Variants in MDC1 observed in about 807,000 individuals in gnomAD.
MDC1 encodes mediator of DNA damage checkpoint protein 1.
In MDC1, 81 loss-of-function variants were observed where a neutral mutation model predicts 142.5. The ratio of observed to expected loss-of-function variants is 0.57; its 90% CI spans 0.47 to 0.68. The LOEUF (loss-of-function observed/expected upper bound fraction) is 0.68. Ranked by LOEUF, MDC1 falls within the 30% of genes least tolerant of loss-of-function variation. The pLI, the probability that MDC1 is intolerant of heterozygous loss-of-function variation, is 0.00. For synonymous variants in MDC1, 797 were observed against 968.4 expected, an observed-to-expected ratio of 0.82 and a Z score of 3.29; for missense variants, 2,119 against 2,547.9, an observed-to-expected ratio of 0.83 and a Z score of 3.62.
chr6:30,706,398 G>A (rs920010020), intron 9 of MDC1, among the ~76,000 whole-genome samples: 2 of 152,076 alleles, frequency 1.3e-5, no homozygotes, highest in East Asian at 1.9e-4. Context: ...GAGGCGGGTG[G>A]ATCACAAGGT....
chr6:30,712,410 TCCAGGTGGATC>T lies in MDC1; in HGVS notation c.1521_1531del (p.Ile508GlufsTer67), dbSNP rs778393161. The stretch of plus-strand genomic sequence containing the variant: ...CACTGTGGTGGAGGCTTGGCTTCTC[TCCAGGTGGATC>T]CCAGGTGAGCTCTTATCTGCTTCCA... On this transcript the variant is annotated frameshift_variant, in exon 5 of 15. Transcript: ENST00000376406. LOFTEE classifies it high-confidence loss of function. This position sits in a 1 kb window ranked among gnomAD's most constrained non-coding sequence, Gnocchi z 4.7. The T allele has an allele frequency of 6.2e-7, 1 of 1,613,070 alleles. No homozygotes were observed. Among genetic ancestry groups the T allele is most frequent in the East Asian group, 2.2e-5 (1 of 44,886 alleles).
At position 30,704,078 on chromosome 6, in the gene MDC1, G is replaced by A; in HGVS notation, c.5105C>T (p.Ser1702Phe). Residue 1702 changes from serine (S) to phenylalanine (F), a missense_variant, in exon 10 of 15, where the codon TCT becomes TTT. Transcript: ENST00000376406. ...AATAGGCTGGTCTGTGGTGACAGGAGATTGGAATTCAGGGGTGGTAGGAAC... is the reference window on the plus strand; with the variant it reads ...AATAGGCTGGTCTGTGGTGACAGGAAATTGGAATTCAGGGGTGGTAGGAAC... Reference protein sequence around the residue: ...MPVPTTPEFQSPVTTDQPISP... With the variant: ...MPVPTTPEFQFPVTTDQPISP... The A allele has an allele frequency of 6.2e-7, 1 of 1,614,194 alleles. No individual in the cohort carries two copies. The highest frequency in any genetic ancestry group is 8.5e-7 in the Non-Finnish European group (1 of 1,180,034).
intron 7 of MDC1, among the ~76,000 whole-genome samples, chr6:30,708,696 A>G (rs145017363): frequency 1.3e-5 from 2 of 152,022 alleles, no homozygotes; most frequent in East Asian, 1.9e-4. Flanking sequence ...TCTACAAAAA[A>G]TACAAAAAAA....
At position 30,700,331 on chromosome 6, in the gene MDC1, A is replaced by T; in HGVS notation, c.*134T>A. 1 of 911,504 alleles carries T rather than the reference A, an allele frequency of 1.1e-6. No individual in the cohort carries two copies. The highest frequency in any genetic ancestry group is 2.9e-4 in the Middle Eastern group (1 of 3,418). 56.5% of individuals were successfully genotyped at this position (911,504 alleles called of 1,614,324 possible). ...AAATCCCTTATCTTTTCATTTATTC[A>T]TAAAGATTTCTGGTCCCACCCATGT... On this transcript the variant is annotated 3_prime_UTR_variant, in exon 15 of 15. Transcript: ENST00000376406.
chr6:30,707,298 T>C lies in MDC1; in HGVS notation c.3084+86A>G, dbSNP rs1774037686. ...AGAAAACTGAATAATGAGAAAGGAATAGATTAAAGTGAGGCTAGGTGAAAG... is the reference window on the plus strand; with the variant it reads ...AGAAAACTGAATAATGAGAAAGGAACAGATTAAAGTGAGGCTAGGTGAAAG... On this transcript the variant is annotated intron_variant, in intron 9 of 14. Transcript: ENST00000376406. 10 of 1,342,558 alleles carry C rather than the reference T, an allele frequency of 7.4e-6. No homozygotes were observed. In the East Asian group the frequency reaches 1.6e-4, roughly 22 times the overall value. 83.2% of individuals were successfully genotyped at this position (1,342,558 alleles called of 1,614,324 possible).
intron 14 of MDC1, 42 bp downstream of exon 14, chr6:30,702,511 G>T: frequency 6.3e-6 from 9 of 1,425,288 alleles, no homozygotes; most frequent in Non-Finnish European, 8.4e-6. Context: ...CTCTTTAACT[G>T]CCACTGCCAC....
Position 30,704,310 on chromosome 6 carries a change from T to C in MDC1, c.4873A>G (p.Thr1625Ala), listed in dbSNP as rs1254632832. The C allele has an allele frequency of 3.1e-6, 5 of 1,613,624 alleles. No homozygotes were observed. In the South Asian group the frequency reaches 5.5e-5, roughly 18 times the overall value. The change falls in exon 10 of 15, where the codon ACA becomes GCA. Residue 1625 changes from threonine to alanine, a missense_variant. Coordinates refer to ENST00000376406, the MANE Select transcript of MDC1 (RefSeq NM_014641.3). ...TAPEPHPTTS[T>A]DQPVTPKLTS... is the part of the protein sequence containing the mutation. ...AGCTTGGGGGTGACAGGCTGGTCTG[T>C]GGAGGTGGTAGGATGGGGCTCAGGG...
rs1337319677 is a variant in MDC1 at position 30,703,974 on chromosome 6, T to C, written c.5209A>G (p.Ile1737Val). 2 of 1,614,042 alleles carry C rather than the reference T, an allele frequency of 1.2e-6. No homozygotes were observed. Among genetic ancestry groups the C allele is most frequent in the African/African-American group, 1.3e-5 (1 of 74,926 alleles). Reference sequence around the variant, plus strand: ...GGTGCAGAGCAAGGCTTATGGTCAATGGGAGCTGCGAGGGAGCCAGGGTTC... The same window carrying C: ...GGTGCAGAGCAAGGCTTATGGTCAACGGGAGCTGCGAGGGAGCCAGGGTTC... Reference protein sequence around the residue: ...AGNPGSLAAPIDHKPCSAPLE... With the variant: ...AGNPGSLAAPVDHKPCSAPLE... The change falls in exon 10 of 15, where the codon ATT (isoleucine) becomes GTT (valine). Residue 1737 changes from isoleucine (I) to valine (V), a missense_variant. By Grantham distance (29) the Ile-to-Val change is conservative (BLOSUM62 3). Coordinates refer to ENST00000376406, the MANE Select transcript of MDC1 (RefSeq NM_014641.3). The surrounding 1 kb of genome is among the most constrained non-coding windows in gnomAD (Gnocchi z 4.4).
chr6:30,714,289 AT>A, intron 2 of MDC1, 106 bp from the exon 3 acceptor site: 1 of 1,238,038 alleles, frequency 8.1e-7, no homozygotes, highest in Non-Finnish European at 1.1e-6. Context: ...CTCCATATGC[AT>A]TAGAAAAATA....
rs1774458855 is a variant in MDC1, at chr6:30,709,337, G to A, written c.2222-980C>T. On this transcript the variant is annotated intron_variant, in intron 7 of 14. Transcript: ENST00000376406. This position sits in a 1 kb window ranked among gnomAD's most constrained non-coding sequence, Gnocchi z 4.2. ...TGGCTGGAATTTCCTTCTTTTTAAA[G>A]GCTGAATAGTATTCCACTGTGTATA... 2.0e-5 allele frequency among the ~76,000 whole-genome samples: 3 copies of A among 152,194 alleles called. No individual in the cohort carries two copies. In the South Asian group the frequency reaches 6.2e-4, roughly 31 times the overall value.
Position 30,713,986 on chromosome 6 carries a change from T to G in MDC1, c.334A>C (p.Ser112Arg). Residue 112 changes from serine to arginine, a missense_variant, in exon 3 of 15, where the codon AGT becomes CGT. By Grantham distance (110) the Ser-to-Arg change is moderately radical. Coordinates refer to ENST00000376406, the MANE Select transcript of MDC1 (RefSeq NM_014641.3). The surrounding 1 kb of genome is among the most constrained non-coding windows in gnomAD (Gnocchi z 4.9). The part of the protein sequence containing the change: ...RPPKVLSPGV[S>R]HRLRDQELIL... ...AATTCCTGGTCCCTCAGACGGTGAC[T>G]CACCCCAGGGCTCAAAACCTTAGGA... 1 of 1,612,900 alleles carries G rather than the reference T, an allele frequency of 6.2e-7. No homozygotes were observed. The highest frequency in any genetic ancestry group is 1.1e-5 in the South Asian group (1 of 91,070).
chr6:30,710,063 A>G (rs1475693449), intron 7 of MDC1, among the ~76,000 whole-genome samples: 1 of 150,988 alleles, frequency 6.6e-6, no homozygotes, highest in Non-Finnish European at 1.5e-5. Flanking sequence ...ATTTTGAGCC[A>G]CTGCACCCAG....
chr6:30,711,623 C>G, intron 6 of MDC1, 44 bp downstream of exon 6: 1 of 1,609,014 alleles, frequency 6.2e-7, no homozygotes, highest in Non-Finnish European at 8.5e-7. Context: ...TCTAATCTCC[C>G]AGCTCCCACT....
rs1327918395 is a variant in MDC1 at position 30,707,873 on chromosome 6, C to G, written c.2706G>C (p.Glu902Asp). ...GAAGGGTCTGCTTCTGTACTTGTTT[C>G]TCTTGTATTTCCTCAGATGTCTCAA... ...VEIETSEEIQ[E>D]KQVQKQTLPS... Residue 902 changes from glutamate to aspartate, a missense_variant, in exon 8 of 15, where the codon GAG (glutamate) becomes GAC (aspartate). Glu to Asp is a conservative substitution (Grantham distance 45). Coordinates refer to ENST00000376406, the MANE Select transcript of MDC1 (RefSeq NM_014641.3). The G allele has an allele frequency of 6.2e-7, 1 of 1,613,106 alleles. No homozygotes were observed. The highest frequency in any genetic ancestry group is 8.5e-7 in the Non-Finnish European group (1 of 1,180,040).
At position 30,712,825 on chromosome 6, in the gene MDC1, G is replaced by A. The variant is rs1269760610; in HGVS notation, c.1117C>T (p.Gln373Ter). The A allele has an allele frequency of 6.2e-7, 1 of 1,612,840 alleles. No homozygotes were observed. Among genetic ancestry groups the A allele is most frequent in the Non-Finnish European group, 8.5e-7 (1 of 1,180,008 alleles). ...APGLAHLQES[Q>*]AGSDTDVEEG... The stretch of plus-strand genomic sequence containing the variant: ...TCCACATCTGTATCACTACCAGCCT[G>A]GCTCTCCTGCAGATGGGCCAGGCCT... Residue 373 changes from glutamine to a stop codon, truncating the protein, a stop_gained, in exon 5 of 15, where the codon CAG (glutamine) becomes TAG (stop). Transcript: ENST00000376406. LOFTEE classifies it high-confidence loss of function. This position sits in a 1 kb window ranked among gnomAD's most constrained non-coding sequence, Gnocchi z 4.7.
rs1774152610 is a variant in MDC1 at position 30,707,790 on chromosome 6, G to A, written c.2789C>T (p.Pro930Leu). The A allele has an allele frequency of 6.2e-7, 1 of 1,613,056 alleles. No individual in the cohort carries two copies. Among genetic ancestry groups the A allele is most frequent in the Non-Finnish European group, 8.5e-7 (1 of 1,180,030 alleles). The change falls in exon 8 of 15, where the codon CCA becomes CTA. Residue 930 changes from proline (P) to leucine (L), a missense_variant. Pro to Leu is a moderately conservative substitution (Grantham distance 98). Transcript: ENST00000376406. ...GGGCACCTTCTCTTCTAACTCGGCTGGATCGCACTCTCTGTTTGCTACTGG... is the reference window on the plus strand; with the variant it reads ...GGGCACCTTCTCTTCTAACTCGGCTAGATCGCACTCTCTGTTTGCTACTGG... ...ERPVANRECD[P>L]AELEEKVPKV...
chr6:30,707,517 T>C, intron 8 of MDC1, 49 bp downstream of exon 8: 1 of 1,613,012 alleles, frequency 6.2e-7, no homozygotes, highest in South Asian at 1.1e-5. Context: ...AGGGGTTGAT[T>C]ATCACGAGGC....
In MDC1 at chr6:30,713,010, C is replaced by T; in HGVS notation, c.932G>A (p.Gly311Glu). 1.2e-6 allele frequency: 2 copies of T among 1,612,678 alleles called. No homozygotes were observed. Among genetic ancestry groups the T allele is most frequent in the Non-Finnish European group, 1.7e-6 (2 of 1,179,708 alleles). The change falls in exon 5 of 15, where the codon GGA becomes GAA. Residue 311 changes from glycine to glutamate, a missense_variant. Transcript: ENST00000376406. The surrounding 1 kb of genome is among the most constrained non-coding windows in gnomAD (Gnocchi z 4.9). ...TDVDDDSRPP[G>E]RPAEVHLERA... The stretch of plus-strand genomic sequence containing the variant: ...TTCCAAATGGACCTCAGCTGGCCTT[C>T]CAGGAGGCCTGCTGTCATCATCCAC...
Position 30,704,975 on chromosome 6 carries a change from G to T in MDC1, c.4208C>A (p.Thr1403Asn). The T allele has an allele frequency of 6.2e-7, 1 of 1,608,726 alleles. No individual in the cohort carries two copies. Among genetic ancestry groups the T allele is most frequent in the Non-Finnish European group, 8.5e-7 (1 of 1,177,710 alleles). ...GGCTGTGGGGACAAGTGTTTCAGGG[G>T]TCTTGCCAGAGGATCTATTTTTTCT... Reference protein sequence around the residue: ...RGRKNRSSGKTPETLVPTAPK... With the variant: ...RGRKNRSSGKNPETLVPTAPK... The change falls in exon 10 of 15, where the codon ACC (threonine) becomes AAC (asparagine). Residue 1403 changes from threonine to asparagine, a missense_variant. Transcript: ENST00000376406.
Sources: allele counts gnomAD v4.1 joint callset (sites outside exome capture counted in the v4.1 genomes callset), GRCh38; gene constraint gnomAD v4.1.1; non-coding constraint Gnocchi (gnomAD v3.1); transcripts MANE v1.5; gene names NCBI Gene and HGNC (gene_info 2026-07-23, HGNC 2026-07-21).